NUS1: variants seen among roughly 807,000 people sequenced by gnomAD.
NUS1 encodes the protein dehydrodolichyl diphosphate synthase complex subunit NUS1.
For missense variants in NUS1, 292 were observed against 382.9 expected, an observed-to-expected ratio of 0.76 and a Z score of 1.98; for synonymous variants, 135 against 155.2, an observed-to-expected ratio of 0.87 and a Z score of 0.97.
intron 1 of NUS1, among the ~76,000 whole-genome samples, chr6:117,676,318 C>T (rs910872741): frequency 6.6e-6 from 1 of 152,234 alleles, no homozygotes; most frequent in African/African-American, 2.4e-5. Context: ...GTGGCTCATG[C>T]CTGTAATCCC....
chr6:117,694,592 C>G (rs1262579235), intron 3 of NUS1, among the ~76,000 whole-genome samples: 1 of 151,912 alleles, frequency 6.6e-6, no homozygotes, highest in Non-Finnish European at 1.5e-5. Flanking sequence ...ACCATGATTC[C>G]TTTTTAATTA....
At chr6:117,682,122 G>A (rs568248176) in intron 1 of NUS1, among the ~76,000 whole-genome samples, 46 of 152,104 alleles carry the variant, frequency 3.0e-4, no homozygotes, top group African/African-American at 8.4e-4. Context: ...GTGAGCCACC[G>A]TGCCCAGCTT....
In NUS1 at chr6:117,694,017, G is replaced by A. The variant is rs1562179333; in HGVS notation, c.542-14G>A. On this transcript the variant is annotated splice_polypyrimidine_tract_variant and intron_variant, in intron 2 of 4. Coordinates refer to ENST00000368494, the MANE Select transcript of NUS1 (RefSeq NM_138459.5). ...AGAGTGTTTTTAAAATACATTGTTT[G>A]TTTTTTCTTCCAGTTTTAAATTGCC... 6.3e-7 allele frequency: 1 copy of A among 1,593,224 alleles called. No homozygotes were observed. The highest frequency in any genetic ancestry group is 8.5e-7 in the Non-Finnish European group (1 of 1,171,472).
chr6:117,676,117 G>A, intron 1 of NUS1, 32 bp downstream of exon 1: 3 of 1,549,872 alleles, frequency 1.9e-6, no homozygotes, highest in Non-Finnish European at 2.6e-6. Flanking sequence ...GGGGGTGGCC[G>A]AGGCGTCTTG....
At chr6:117,682,965 A>G (rs1334240003) in intron 1 of NUS1, among the ~76,000 whole-genome samples, 1 of 152,178 alleles carries the variant, frequency 6.6e-6, no homozygotes, top group Non-Finnish European at 1.5e-5. Context: ...ACTAATAGAG[A>G]TTTCTTCATC....
At chr6:117,696,506 T>A (rs1255673984) in intron 3 of NUS1, among the ~76,000 whole-genome samples, 1 of 151,024 alleles carries the variant, frequency 6.6e-6, no homozygotes, top group African/African-American at 2.4e-5. Flanking sequence ...AAAAAAAAAA[T>A]GGATCCTAAA....
chr6:117,706,785 C>T lies in NUS1; in HGVS notation c.792-140C>T, dbSNP rs116370565. On this transcript the variant is annotated intron_variant, in intron 4 of 4. Coordinates refer to ENST00000368494, the MANE Select transcript of NUS1 (RefSeq NM_138459.5). ...TACATATTATGATTAAGACATTTTC[C>T]GTGCCTGTCATGGTGCTGTCTGGTG... 1.1e-3 allele frequency: 677 copies of T among 639,022 alleles called. 3 individuals carry two copies. Among genetic ancestry groups the T allele is most frequent in the African/African-American group, 0.01 (559 of 54,564 alleles). 39.6% of individuals were successfully genotyped at this position (639,022 alleles called of 1,614,324 possible).
At position 117,699,134 on chromosome 6, in the gene NUS1, C is replaced by T. The variant is rs558324136; in HGVS notation, c.692-4471C>T. Among the ~76,000 whole-genome samples the T allele has an allele frequency of 5.0e-4, 76 of 152,128 alleles. 1 individual carries two copies. Among genetic ancestry groups the T allele is most frequent in the Non-Finnish European group, 9.4e-4 (64 of 67,996 alleles). On this transcript the variant is annotated intron_variant, in intron 3 of 4. Transcript: ENST00000368494. ...TTCACCACTGTTATTTAGCATAGCA[C>T]TGGCGGTCCTAGCTAGAGCAATTAG...
At chr6:117,694,844 A>G (rs2114687932) in intron 3 of NUS1, among the ~76,000 whole-genome samples, 1 of 152,228 alleles carries the variant, frequency 6.6e-6, no homozygotes, top group Admixed American at 6.5e-5. Context: ...CTATAGGCAT[A>G]CAGTTTTAGA....
rs533893099 is a variant in NUS1 at position 117,675,977 on chromosome 6, C to G, written c.307C>G (p.Leu103Val). ...SLEKLPVHMG[L>V]VITEVEQEPS... ...GGAGAAGCTGCCTGTGCATATGGGC[C>G]TGGTGATCACCGAGGTGGAGCAGGA... Residue 103 changes from leucine (L) to valine (V), a missense_variant, in exon 1 of 5, where the codon CTG (leucine) becomes GTG (valine). Leu to Val is a conservative substitution (Grantham distance 32). Coordinates refer to ENST00000368494, the MANE Select transcript of NUS1 (RefSeq NM_138459.5). 2.4e-5 allele frequency: 37 copies of G among 1,549,424 alleles called. No individual in the cohort carries two copies. The South Asian group carries it at 3.6e-4, about 15-fold the overall frequency.
intron 1 of NUS1, among the ~76,000 whole-genome samples, chr6:117,691,399 T>C (rs1773214298): frequency 1.3e-5 from 2 of 151,858 alleles, no homozygotes; most frequent in Admixed American, 1.3e-4. Flanking sequence ...ATATCTTCTC[T>C]AGTTTTTTCT....
chr6:117,709,553 A>G lies in NUS1; in HGVS notation c.*2538A>G, dbSNP rs1201667673. ...TTGAGAGGAAGGTGTTATAATATTA[A>G]TGAACAGTGCCAAATACACTGTGCA... On this transcript the variant is annotated 3_prime_UTR_variant, in exon 5 of 5. Coordinates refer to ENST00000368494, the MANE Select transcript of NUS1 (RefSeq NM_138459.5). The G allele has an allele frequency of 8.7e-5, 13 of 148,982 alleles. No homozygotes were observed. The highest frequency in any genetic ancestry group is 3.2e-4 in the African/African-American group (13 of 40,178). The allele number at this position is 148,982 out of a possible 1,614,324, so 9.2% of individuals were successfully genotyped here.
At chr6:117,676,107 G>C (rs1279094262) in intron 1 of NUS1, 22 bp downstream of exon 1, 1 of 1,550,152 alleles carries the variant, frequency 6.5e-7, no homozygotes, top group Non-Finnish European at 8.7e-7. Flanking sequence ...TGCGGTGGTG[G>C]GGGGTGGCCG....
At chr6:117,688,274 T>A (rs1223577248) in intron 1 of NUS1, among the ~76,000 whole-genome samples, 1 of 152,024 alleles carries the variant, frequency 6.6e-6, no homozygotes, top group Non-Finnish European at 1.5e-5. Context: ...CTTGGAGCAG[T>A]GTGGGCAATG....
At chr6:117,680,055 A>C (rs181891762) in intron 1 of NUS1, among the ~76,000 whole-genome samples, 10 of 152,342 alleles carry the variant, frequency 6.6e-5, no homozygotes, top group Non-Finnish European at 1.3e-4. Context: ...AACAACATTT[A>C]ATCCTTAGAC....
intron 1 of NUS1, 111 bp downstream of exon 1, chr6:117,676,196 C>T (rs1044159196): frequency 1.4e-4 from 208 of 1,498,676 alleles, no homozygotes; most frequent in Non-Finnish European, 1.8e-4. Context: ...CTGCAAATCA[C>T]AGCGCTAGCG....
At chr6:117,686,924 GTAAGC>G (rs1773149803) in intron 1 of NUS1, among the ~76,000 whole-genome samples, 3 of 150,390 alleles carry the variant, frequency 2.0e-5, no homozygotes, top group Non-Finnish European at 4.4e-5. Context: ...GAAGAAAACT[GTAAGC>G]TGATAATATT....
intron 4 of NUS1, 31 bp from the exon 5 acceptor site, chr6:117,706,894 T>A (rs1773508496): frequency 6.4e-7 from 1 of 1,564,022 alleles, no homozygotes; most frequent in Non-Finnish European, 8.8e-7. Context: ...GTATATCTAA[T>A]TGCTTTTCTC....
At position 117,694,144 on chromosome 6, in the gene NUS1, A is replaced by G. The variant is rs1431296915; in HGVS notation, c.655A>G (p.Thr219Ala). Residue 219 changes from threonine to alanine, a missense_variant, in exon 3 of 5, where the codon ACA (threonine) becomes GCA (alanine). Physicochemically the swap from Thr to Ala is moderately conservative, Grantham distance 58. Transcript: ENST00000368494. ...AGTAGCCCAGAAGCAAAAGAGACCC[A>G]CAGATTTGGATGTAGATACGTTAGC... is the stretch of plus-strand genomic sequence containing the variant. ...QLVAQKQKRPTDLDVDTLASL... is the reference protein window; with the variant it reads ...QLVAQKQKRPADLDVDTLASL... The G allele has an allele frequency of 3.7e-6, 6 of 1,610,820 alleles. No individual in the cohort carries two copies. The highest frequency in any genetic ancestry group is 5.1e-6 in the Non-Finnish European group (6 of 1,178,250).
Sources: allele counts gnomAD v4.1 joint callset (sites outside exome capture counted in the v4.1 genomes callset), GRCh38; gene constraint gnomAD v4.1.1; transcripts MANE v1.5; gene names NCBI Gene and HGNC (gene_info 2026-07-23, HGNC 2026-07-21).